Variants in CMSS1 observed in about 807,000 individuals in gnomAD.
CMSS1 encodes the protein cms1 ribosomal small subunit homolog, also known as protein CMSS1.
Under a neutral mutation model 43.5 loss-of-function variants are expected in CMSS1, and 33 were observed. The observed-to-expected ratio is 0.76, with a 90% CI of 0.57 to 1.01. The LOEUF (loss-of-function observed/expected upper bound fraction) is 1.01, where lower values mean the gene tolerates loss of function less well. CMSS1 is among the 50% of genes least tolerant of loss of function. CMSS1 has a pLI of 0.00. For synonymous variants in CMSS1, 115 were observed against 117.2 expected (o/e 0.98, Z 0.12); for missense variants, 313 against 326.4 (o/e 0.96, Z 0.32).
At chr3:99,863,879 A>G (rs764357157) in intron 1 of CMSS1, among the ~76,000 whole-genome samples, 4 of 152,234 alleles carry the variant, frequency 2.6e-5, no homozygotes, top group Admixed American at 6.5e-5. Context: ...TTTACACAAA[A>G]GTAGCTTACA....
intron 1 of CMSS1, among the ~76,000 whole-genome samples, chr3:99,983,428 GTATGTATA>G (rs1709204458): frequency 2.1e-5 from 1 of 47,160 alleles, no homozygotes; most frequent in Admixed American, 2.6e-4. Flanking sequence ...ATGTATGTAT[GTATGTATA>G]TATATGTATG....
intron 1 of CMSS1, among the ~76,000 whole-genome samples, chr3:100,117,878 T>TATATATATATATATATATAC (rs1357671856): frequency 7.7e-6 from 1 of 129,082 alleles, no homozygotes; most frequent in Non-Finnish European, 1.6e-5. Flanking sequence ...TATATATATA[T>TATATATATATATATATATAC]ACACATACAA....
At chr3:100,032,782 G>A (rs887132939) in intron 1 of CMSS1, among the ~76,000 whole-genome samples, 2 of 152,158 alleles carry the variant, frequency 1.3e-5, no homozygotes, top group South Asian at 2.1e-4. Context: ...TGGTAATGCA[G>A]TTGTGTGTAA....
At chr3:100,044,234 G>GA (rs2065246679) in intron 1 of CMSS1, among the ~76,000 whole-genome samples, 1 of 152,208 alleles carries the variant, frequency 6.6e-6, no homozygotes, top group Admixed American at 6.5e-5. Flanking sequence ...CAGGCATTGT[G>GA]ATGGGCACAA....
intron 1 of CMSS1, among the ~76,000 whole-genome samples, chr3:99,876,834 C>G (rs941309167): frequency 2.0e-5 from 3 of 151,930 alleles, no homozygotes; most frequent in African/African-American, 7.3e-5. Context: ...TGTGTTTTAA[C>G]GAAAGCAGTT....
chr3:99,845,445 C>CTA (rs1321554666), intron 1 of CMSS1, among the ~76,000 whole-genome samples: 1 of 152,128 alleles, frequency 6.6e-6, no homozygotes, highest in Non-Finnish European at 1.5e-5. Flanking sequence ...AACAGTCTAT[C>CTA]TTCTGTGAGC....
In CMSS1 at chr3:99,868,444, A is replaced by ACC. The variant is rs1350401883; in HGVS notation, c.64+50402_64+50403dup. ...GCCCCCTATATGTCAGCCCAGCAGC[A>ACC]CCAGATGATGAAGGAGCATCATCCC... On this transcript the variant is annotated intron_variant, in intron 1 of 9. Transcript: ENST00000421999. 2.0e-5 allele frequency among the ~76,000 whole-genome samples: 3 copies of ACC among 152,306 alleles called. No homozygotes were observed. In the East Asian group the frequency reaches 5.8e-4, roughly 29 times the overall value.
At chr3:100,047,181 T>G (rs1004663502) in intron 1 of CMSS1, among the ~76,000 whole-genome samples, 1 of 152,208 alleles carries the variant, frequency 6.6e-6, no homozygotes, top group African/African-American at 2.4e-5. Flanking sequence ...TTTTCAGGAT[T>G]AAATGCTTTT....
At chr3:99,902,124 A>G (rs1706456258) in intron 1 of CMSS1, among the ~76,000 whole-genome samples, 2 of 152,214 alleles carry the variant, frequency 1.3e-5, no homozygotes. Flanking sequence ...TAAGTAATAG[A>G]AATATTCATG....
intron 6 of CMSS1, among the ~76,000 whole-genome samples, chr3:100,169,085 G>C (rs1394697598): frequency 6.6e-6 from 1 of 152,074 alleles, no homozygotes; most frequent in Non-Finnish European, 1.5e-5. Context: ...AATCAGTAGG[G>C]AAAGACGGAT....
At chr3:99,981,262 T>C (rs1709115045) in intron 1 of CMSS1, among the ~76,000 whole-genome samples, 1 of 152,196 alleles carries the variant, frequency 6.6e-6, no homozygotes, top group Admixed American at 6.5e-5. Flanking sequence ...AACTTGTCCC[T>C]GGCCTCCTGG....
chr3:99,915,157 G>T (rs1706912703), intron 1 of CMSS1, among the ~76,000 whole-genome samples: 1 of 152,036 alleles, frequency 6.6e-6, no homozygotes, highest in South Asian at 2.1e-4. Context: ...ATCAAAATGG[G>T]CTTGTCTTAT....
At chr3:99,907,863 C>G (rs1706671211) in intron 1 of CMSS1, among the ~76,000 whole-genome samples, 2 of 152,178 alleles carry the variant, frequency 1.3e-5, no homozygotes, top group South Asian at 4.2e-4. Flanking sequence ...TTTTCCACCA[C>G]CTGAATGCTT....
At position 100,179,895 on chromosome 3, in the gene CMSS1, A is replaced by G. The variant is rs2067174454; in HGVS notation, c.*1507A>G. The G allele has an allele frequency of 6.6e-6, 1 of 152,338 alleles. No homozygotes were observed. The highest frequency in any genetic ancestry group is 1.5e-5 in the Non-Finnish European group (1 of 68,138). The allele number at this position is 152,338 out of a possible 1,614,324, so 9.4% of individuals were successfully genotyped here. A position where few individuals can be genotyped will look rare whatever the true frequency, so the allele number is the denominator to read the frequency against. On this transcript the variant is annotated 3_prime_UTR_variant, in exon 10 of 10. Transcript: ENST00000421999. The stretch of plus-strand genomic sequence containing the variant: ...CCCTGTAGCAGACTTCTGCCTGGAC[A>G]TCCAGGCGTTTCCATACATCCTCTG...
chr3:100,114,858 AC>A, intron 1 of CMSS1: 2 of 925,750 alleles, frequency 2.2e-6, no homozygotes, highest in Non-Finnish European at 3.3e-6. Flanking sequence ...GACACCCATA[AC>A]CCAAGGCACT....
chr3:99,928,274 G>A (rs749642403), intron 1 of CMSS1, among the ~76,000 whole-genome samples: 1 of 152,190 alleles, frequency 6.6e-6, no homozygotes, highest in Admixed American at 6.5e-5. Context: ...TTCCTAGACC[G>A]AGGAAAAGGA....
chr3:100,126,310 G>C (rs867042956), intron 1 of CMSS1, among the ~76,000 whole-genome samples: 8 of 152,144 alleles, frequency 5.3e-5, no homozygotes, highest in Non-Finnish European at 1.0e-4. Flanking sequence ...TGAATGCCTA[G>C]TTTTGTTTAA....
intron 1 of CMSS1, among the ~76,000 whole-genome samples, chr3:99,841,157 G>A (rs1242422682): frequency 3.3e-5 from 5 of 152,192 alleles, no homozygotes; most frequent in African/African-American, 1.2e-4. Context: ...AAGACACTGC[G>A]CATGTCACTG....
At chr3:100,139,369 T>C (rs1437452852) in intron 1 of CMSS1, among the ~76,000 whole-genome samples, 1 of 151,716 alleles carries the variant, frequency 6.6e-6, no homozygotes, top group African/African-American at 2.4e-5. Flanking sequence ...CCTTGAAACA[T>C]TTTTTTAATT....
Sources: allele counts gnomAD v4.1 joint callset (sites outside exome capture counted in the v4.1 genomes callset), GRCh38; gene constraint gnomAD v4.1.1; transcripts MANE v1.5; gene names NCBI Gene and HGNC (gene_info 2026-07-23, HGNC 2026-07-21).